The following YWHAZ variants were observed in gnomAD, a reference collection of about 807,000 sequenced individuals.
YWHAZ encodes the protein tyrosine 3-monooxygenase/tryptophan 5-monooxygenase activation protein zeta.
For missense variants in YWHAZ, 79 were observed against 284.8 expected (o/e 0.28, Z 5.20); for synonymous variants, 87 against 103.6 (o/e 0.84, Z 0.97).
rs560398308 is a variant in YWHAZ, at chr8:100,951,728, C to T, written c.-12+201G>A. 1.5e-3 allele frequency: 1,453 copies of T among 985,414 alleles called. 13 individuals carry two copies. The African/African-American group carries it at 0.019, about 13-fold the overall frequency. The allele number at this position is 985,414 out of a possible 1,614,324, so 61.0% of individuals were successfully genotyped here. On this transcript the variant is annotated intron_variant, in intron 1 of 5. Transcript: ENST00000395958. ...GGGGCGTCGATGCGGAAGCAAGGAG[C>T]CGGAGGCGGCCGCTAGCCGCCCTCC...
intron 2 of YWHAZ, among the ~76,000 whole-genome samples, chr8:100,937,728 A>C (rs1814258233): frequency 1.3e-5 from 2 of 152,364 alleles, no homozygotes; most frequent in South Asian, 4.1e-4. Flanking sequence ...GCCTGCTTTC[A>C]TACAAAGCAT....
intron 2 of YWHAZ, among the ~76,000 whole-genome samples, chr8:100,943,715 G>A (rs544951268): frequency 2.6e-5 from 4 of 152,118 alleles, no homozygotes; most frequent in East Asian, 1.9e-4. Context: ...GGCCGGGCGC[G>A]GTGGCTCACG....
intron 1 of YWHAZ, among the ~76,000 whole-genome samples, chr8:100,949,172 C>A (rs1300604272): frequency 6.6e-6 from 1 of 152,178 alleles, no homozygotes; most frequent in Non-Finnish European, 1.5e-5. Flanking sequence ...TTTCACATGT[C>A]AAAATTACTT....
At chr8:100,923,817 G>T in intron 5 of YWHAZ, 138 bp downstream of exon 5, 1 of 591,758 alleles carries the variant, frequency 1.7e-6, no homozygotes. Flanking sequence ...AATAGTAGCT[G>T]AGATATATTT....
chr8:100,921,639 A>C (rs1813034261), intron 5 of YWHAZ, among the ~76,000 whole-genome samples: 1 of 152,250 alleles, frequency 6.6e-6, no homozygotes, highest in South Asian at 2.1e-4. Flanking sequence ...AAGTAATCGC[A>C]GCTCTTGCCA....
chr8:100,950,610 C>A (rs540840847), intron 1 of YWHAZ: 15 of 985,862 alleles, frequency 1.5e-5, no homozygotes, highest in East Asian at 2.3e-4. Context: ...ATTCCTCCCC[C>A]CGACCGGAGC....
chr8:100,943,212 C>T (rs971133383), intron 2 of YWHAZ, among the ~76,000 whole-genome samples: 2 of 152,136 alleles, frequency 1.3e-5, no homozygotes, highest in African/African-American at 4.8e-5. Context: ...AGTTCTAAGT[C>T]CCCTAAAACC....
intron 2 of YWHAZ, among the ~76,000 whole-genome samples, chr8:100,933,477 T>C (rs906003931): frequency 3.3e-5 from 5 of 152,208 alleles, no homozygotes; most frequent in Non-Finnish European, 5.9e-5. Context: ...ACCTCTGCTA[T>C]GTTGTACACC....
rs950691731 is a variant in YWHAZ at position 100,948,994 on chromosome 8, A to G, written c.-11-94T>C. On this transcript the variant is annotated intron_variant, in intron 1 of 5. Coordinates refer to ENST00000395958, the MANE Select transcript of YWHAZ (RefSeq NM_145690.3). This position sits in a 1 kb window ranked among gnomAD's most constrained non-coding sequence, Gnocchi z 4.2. ...GTGGTAAATGAGTTTTTTAAACCTG[A>G]AACCTAACTGCCTGTGAAAGACTGT... 1.0e-5 allele frequency: 14 copies of G among 1,360,450 alleles called. No homozygotes were observed. The African/African-American group carries it at 1.6e-4, about 16-fold the overall frequency. 84.3% of individuals were successfully genotyped at this position (1,360,450 alleles called of 1,614,324 possible). A position where few individuals can be genotyped will look rare whatever the true frequency, so the allele number is the denominator to read the frequency against.
chr8:100,943,848 G>A (rs1415808821), intron 2 of YWHAZ, among the ~76,000 whole-genome samples: 1 of 152,072 alleles, frequency 6.6e-6, no homozygotes, highest in African/African-American at 2.4e-5. Context: ...TTAGCTGGGT[G>A]TGGTGGCGGG....
At position 100,948,205 on chromosome 8, in the gene YWHAZ, A is replaced by C. The variant is rs73697345; in HGVS notation, c.294+391T>G. On this transcript the variant is annotated intron_variant, in intron 2 of 5. Coordinates refer to ENST00000395958, the MANE Select transcript of YWHAZ (RefSeq NM_145690.3). The surrounding 1 kb of genome is among the most constrained non-coding windows in gnomAD (Gnocchi z 4.2). ...GTACTATTTCTACAATGAGTATCCT[A>C]TTACATCTCTCTTACCTAAAGTATG... The C allele has an allele frequency of 4.3e-6, 6 of 1,388,120 alleles. No homozygotes were observed. The highest frequency in any genetic ancestry group is 5.8e-6 in the Non-Finnish European group (6 of 1,031,682). The allele number at this position is 1,388,120 out of a possible 1,614,324, so 86.0% of individuals were successfully genotyped here.
rs1203709595 is a variant in YWHAZ, at chr8:100,948,908, G to A, written c.-11-8C>T. On this transcript the variant is annotated splice_polypyrimidine_tract_variant and splice_region_variant and intron_variant, in intron 1 of 5. Coordinates refer to ENST00000395958, the MANE Select transcript of YWHAZ (RefSeq NM_145690.3). The surrounding 1 kb of genome is among the most constrained non-coding windows in gnomAD (Gnocchi z 4.2). ...TATCCATGACTGGATGTTCTGCAGG[G>A]GGGAAAAAAGGAGTATTTAAAATTT... 8 of 1,552,792 alleles carry A rather than the reference G, an allele frequency of 5.2e-6. No homozygotes were observed. Among genetic ancestry groups the A allele is most frequent in the South Asian group, 2.4e-5 (2 of 84,762 alleles).
chr8:100,924,466 G>A lies in YWHAZ; in HGVS notation c.419-168C>T. The A allele has an allele frequency of 6.6e-6, 4 of 607,936 alleles. No individual in the cohort carries two copies. The South Asian group carries it at 7.4e-5, about 11-fold the overall frequency. The allele number at this position is 607,936 out of a possible 1,614,324, so 37.7% of individuals were successfully genotyped here. On this transcript the variant is annotated intron_variant, in intron 3 of 5. Transcript: ENST00000395958. This position sits in a 1 kb window ranked among gnomAD's most constrained non-coding sequence, Gnocchi z 5.7. Reference sequence around the variant, plus strand: ...TTTTTTTTAAAGGGAGCTTTCTCCTGGTACACACTAGCCATTGATCAATGT... The same window carrying A: ...TTTTTTTTAAAGGGAGCTTTCTCCTAGTACACACTAGCCATTGATCAATGT...
chr8:100,934,014 T>A (rs556359207), intron 2 of YWHAZ, among the ~76,000 whole-genome samples: 2 of 151,232 alleles, frequency 1.3e-5, no homozygotes, highest in East Asian at 3.9e-4. Context: ...AAAAATGAGG[T>A]GGGCATGGTG....
At position 100,923,917 on chromosome 8, in the gene YWHAZ, A is replaced by G. The variant is rs372003487; in HGVS notation, c.678+38T>C. Reference sequence around the variant, plus strand: ...CCCTAGAGTAAAACATAACCTCTTCAACCACATTCATCACTAATGATGCTG... The same window carrying G: ...CCCTAGAGTAAAACATAACCTCTTCGACCACATTCATCACTAATGATGCTG... On this transcript the variant is annotated intron_variant, in intron 5 of 5. Coordinates refer to ENST00000395958, the MANE Select transcript of YWHAZ (RefSeq NM_145690.3). The G allele has an allele frequency of 1.5e-5, 23 of 1,541,260 alleles. No individual in the cohort carries two copies. The African/African-American group carries it at 3.2e-4, about 21-fold the overall frequency.
Position 100,948,446 on chromosome 8 carries a change from CT to C in YWHAZ, c.294+149del. 1 of 866,588 alleles carries C rather than the reference CT, an allele frequency of 1.2e-6. No individual in the cohort carries two copies. Among genetic ancestry groups the C allele is most frequent in the Non-Finnish European group, 1.8e-6 (1 of 564,694 alleles). 53.7% of individuals were successfully genotyped at this position (866,588 alleles called of 1,614,324 possible). ...CACGTATCTATAATTGTCTTAACAT[CT>C]TTTTAGTCATGACACCATGAAGACT... On this transcript the variant is annotated intron_variant, in intron 2 of 5. Transcript: ENST00000395958. This position sits in a 1 kb window ranked among gnomAD's most constrained non-coding sequence, Gnocchi z 4.2.
At chr8:100,927,594 A>G (rs1813453247) in intron 2 of YWHAZ, among the ~76,000 whole-genome samples, 3 of 152,228 alleles carry the variant, frequency 2.0e-5, no homozygotes, top group Non-Finnish European at 4.4e-5. Flanking sequence ...ATGTATGCAG[A>G]GATGAAGGCC....
At chr8:100,950,594 G>T (rs912654545) in intron 1 of YWHAZ, 2 of 985,562 alleles carry the variant, frequency 2.0e-6, no homozygotes, top group East Asian at 2.3e-4. Context: ...CTACTGCAGA[G>T]TGTTAATTCC....
chr8:100,939,972 G>A (rs967399920), intron 2 of YWHAZ, among the ~76,000 whole-genome samples: 6 of 149,208 alleles, frequency 4.0e-5, no homozygotes, highest in African/African-American at 7.4e-5. Context: ...GCAGTGAGCC[G>A]AGATCGCGCC....
Sources: gnomAD v4.1 joint callset for allele counts (sites outside exome capture counted in the v4.1 genomes callset) on GRCh38, gnomAD v4.1.1 for gene constraint, Gnocchi (gnomAD v3.1) non-coding constraint, MANE v1.5 for transcripts, NCBI Gene and HGNC (gene_info 2026-07-23, HGNC 2026-07-21) for gene names.